LRIG2: variants seen among roughly 807,000 people sequenced by gnomAD.
LRIG2 encodes leucine-rich repeats and immunoglobulin-like domains protein 2.
In LRIG2, 93 loss-of-function variants were observed where a neutral mutation model predicts 107.8. The ratio of observed to expected loss-of-function variants is 0.86; its 90% CI spans 0.73 to 1.03. The LOEUF (loss-of-function observed/expected upper bound fraction) is 1.03, where lower values mean the gene tolerates loss of function less well. Among genes scored for constraint, LRIG2 ranks in the 50% least tolerant of loss-of-function variants. The probability of loss-of-function intolerance (pLI) is 0.00; values close to 1 mark genes in which losing one functional copy is unlikely to be tolerated. For missense variants in LRIG2, 1,226 were observed against 1,296.0 expected (o/e 0.95, Z 0.83); for synonymous variants, 471 against 470.6 (o/e 1.00, Z -0.01).
chr1:113,091,556 C>CT, intron 2 of LRIG2, among the ~76,000 whole-genome samples, 173 bp downstream of exon 2: 1 of 152,282 alleles, frequency 6.6e-6, no homozygotes. Context: ...TATTATCAGA[C>CT]TGTCTTGGCA....
chr1:113,094,316 TGCTATTA>T lies in LRIG2; in HGVS notation c.516-22_516-16del. 6.4e-7 allele frequency: 1 copy of T among 1,563,014 alleles called. No individual in the cohort carries two copies. Among genetic ancestry groups the T allele is most frequent in the Non-Finnish European group, 8.6e-7 (1 of 1,158,950 alleles). ...TTTTATTTTACTAAATTTTTTCTTT[TGCTATTA>T]TCTTGTTTATTTTAGGAATTTAAGT... On this transcript the variant is annotated splice_polypyrimidine_tract_variant and intron_variant, in intron 4 of 17. Coordinates refer to ENST00000361127, the MANE Select transcript of LRIG2 (RefSeq NM_014813.3).
intron 9 of LRIG2, among the ~76,000 whole-genome samples, chr1:113,099,857 C>T (rs1654232570): frequency 6.6e-6 from 1 of 152,114 alleles, no homozygotes; most frequent in African/African-American, 2.4e-5. Context: ...CAATCTTTTG[C>T]TCTGAATGGA....
intron 2 of LRIG2, among the ~76,000 whole-genome samples, chr1:113,091,787 A>G (rs55688637): frequency 0.045 from 6,900 of 152,294 alleles, 530 homozygotes; most frequent in African/African-American, 0.16. Context: ...AGTATTCTTG[A>G]TATCATATGA....
At chr1:113,089,120 G>A (rs1201973248) in intron 1 of LRIG2, among the ~76,000 whole-genome samples, 1 of 152,192 alleles carries the variant, frequency 6.6e-6, no homozygotes, top group African/African-American at 2.4e-5. Flanking sequence ...AGAACAAATT[G>A]TTCTAATGTG....
At chr1:113,123,723 G>GTTT (rs139220276) in intron 17 of LRIG2, 152 bp from the exon 18 acceptor site, 12 of 551,676 alleles carry the variant, frequency 2.2e-5, no homozygotes, top group South Asian at 9.0e-5. Flanking sequence ...TCTGGTGGTG[G>GTTT]TTTTTGTGTG....
intron 10 of LRIG2, 37 bp from the exon 11 acceptor site, chr1:113,100,383 A>G: frequency 7.0e-7 from 1 of 1,432,026 alleles, no homozygotes; most frequent in African/African-American, 1.4e-5. Context: ...TGATATAGAA[A>G]TGGTGACTGA....
intron 2 of LRIG2, 53 bp downstream of exon 2, chr1:113,091,436 T>C: frequency 2.6e-6 from 3 of 1,173,598 alleles, no homozygotes; most frequent in South Asian, 1.4e-5. Context: ...GGGAACTTAA[T>C]AAATTGTGAT....
intron 2 of LRIG2, among the ~76,000 whole-genome samples, chr1:113,092,849 C>T (rs900999093): frequency 6.6e-6 from 1 of 151,862 alleles, no homozygotes; most frequent in Non-Finnish European, 1.5e-5. Flanking sequence ...ATTAGCCGGG[C>T]GTGGTGGTGC....
intron 1 of LRIG2, among the ~76,000 whole-genome samples, chr1:113,074,380 G>A (rs1019057127): frequency 4.6e-5 from 7 of 152,150 alleles, no homozygotes; most frequent in African/African-American, 9.7e-5. Context: ...CAGGTACAAC[G>A]GTTGAATGAA....
intron 8 of LRIG2, among the ~76,000 whole-genome samples, chr1:113,098,210 A>G (rs1247341610): frequency 2.6e-5 from 4 of 152,182 alleles, no homozygotes; most frequent in Non-Finnish European, 5.9e-5. Flanking sequence ...CCCATGGGGC[A>G]TCTTTAATTG....
At chr1:113,120,567 A>T (rs1377629767) in intron 17 of LRIG2, among the ~76,000 whole-genome samples, 1 of 149,024 alleles carries the variant, frequency 6.7e-6, no homozygotes, top group Non-Finnish European at 1.5e-5. Flanking sequence ...CTGGAGTGCA[A>T]TGATGCCATC....
intron 3 of LRIG2, 68 bp downstream of exon 3, chr1:113,093,348 A>C: frequency 6.4e-7 from 1 of 1,560,904 alleles, no homozygotes; most frequent in Non-Finnish European, 8.7e-7. Context: ...TTTAAAGCAC[A>C]TATATTGTTG....
At chr1:113,075,531 G>A (rs1312810866) in intron 1 of LRIG2, among the ~76,000 whole-genome samples, 3 of 152,106 alleles carry the variant, frequency 2.0e-5, no homozygotes, top group Non-Finnish European at 4.4e-5. Flanking sequence ...CTATCAGTGT[G>A]CAGTGTAGTG....
Position 113,094,447 on chromosome 1 carries a change from A to G in LRIG2, c.624A>G (p.Pro208=), listed in dbSNP as rs778502901. ...ACCGTAACCGAATGAGCATGATTCC[A>G]CCTAAGATCTTCAAGCTGCCTCACC... is the stretch of plus-strand genomic sequence containing the variant. ...KLNRNRMSMI[P]PKIFKLPHLQ... The change falls in exon 5 of 18, where the codon CCA becomes CCG. Residue 208 remains proline, a synonymous_variant. Coordinates refer to ENST00000361127, the MANE Select transcript of LRIG2 (RefSeq NM_014813.3). 7.4e-6 allele frequency: 12 copies of G among 1,611,836 alleles called. No homozygotes were observed. In the South Asian group the frequency reaches 1.0e-4, roughly 13 times the overall value.
Position 113,129,021 on chromosome 1 carries a change from A to C in LRIG2, c.*4920A>C, listed in dbSNP as rs1655595741. 1 of 152,218 alleles carries C rather than the reference A, an allele frequency of 6.6e-6. No homozygotes were observed. 9.4% of individuals were successfully genotyped at this position (152,218 alleles called of 1,614,324 possible). A position where few individuals can be genotyped will look rare whatever the true frequency, so the allele number is the denominator to read the frequency against. ...AAGATAGCCTGTGAGCCAGTGCTCT[A>C]GAAAACATCATGTAGGAGGCCGGTC... On this transcript the variant is annotated 3_prime_UTR_variant, in exon 18 of 18. Transcript: ENST00000361127.
At chr1:113,077,990 G>A (rs561721039) in intron 1 of LRIG2, among the ~76,000 whole-genome samples, 31 of 149,254 alleles carry the variant, frequency 2.1e-4, no homozygotes, top group Non-Finnish European at 2.5e-4. Context: ...GTGGTGTTTG[G>A]TTTTTTGTCC....
Position 113,127,381 on chromosome 1 carries a change from CTT to C in LRIG2, c.*3300_*3301del, listed in dbSNP as rs33992650. Reference sequence around the variant, plus strand: ...ATTACAGGCACACCACCATTTCCAGCTTTTTTTTTTTTTTTTTTTTTGATATT... The same window carrying C: ...ATTACAGGCACACCACCATTTCCAGCTTTTTTTTTTTTTTTTTTTGATATT... On this transcript the variant is annotated 3_prime_UTR_variant, in exon 18 of 18. Coordinates refer to ENST00000361127, the MANE Select transcript of LRIG2 (RefSeq NM_014813.3). 71,513 of 102,672 alleles carry C rather than the reference CTT, an allele frequency of 0.7. 23,905 individuals carry two copies. The highest frequency in any genetic ancestry group is 0.85 in the East Asian group (2,840 of 3,332). 6.4% of individuals were successfully genotyped at this position (102,672 alleles called of 1,614,324 possible).
At chr1:113,079,553 G>T (rs1019683897) in intron 1 of LRIG2, among the ~76,000 whole-genome samples, 1 of 147,702 alleles carries the variant, frequency 6.8e-6, no homozygotes, top group Non-Finnish European at 1.5e-5. Context: ...CGTGGTGGCG[G>T]GCGCCTGTAA....
Position 113,132,216 on chromosome 1 carries a change from T to C in LRIG2, c.*8115T>C, listed in dbSNP as rs1655721830. 6.6e-6 allele frequency: 1 copy of C among 152,066 alleles called. No homozygotes were observed. The highest frequency in any genetic ancestry group is 2.4e-5 in the African/African-American group (1 of 41,428). 9.4% of individuals were successfully genotyped at this position (152,066 alleles called of 1,614,324 possible). A position where few individuals can be genotyped will look rare whatever the true frequency, so the allele number is the denominator to read the frequency against. Reference sequence around the variant, plus strand: ...TATAGAGCATGTGTTTGTCTACTTGTTTGTCTACTATAATATGTCTTTAAT... The same window carrying C: ...TATAGAGCATGTGTTTGTCTACTTGCTTGTCTACTATAATATGTCTTTAAT... On this transcript the variant is annotated 3_prime_UTR_variant, in exon 18 of 18. Coordinates refer to ENST00000361127, the MANE Select transcript of LRIG2 (RefSeq NM_014813.3).
Sources: gnomAD v4.1 joint callset for allele counts (sites outside exome capture counted in the v4.1 genomes callset) on GRCh38, gnomAD v4.1.1 for gene constraint, MANE v1.5 for transcripts, NCBI Gene and HGNC (gene_info 2026-07-23, HGNC 2026-07-21) for gene names.